Variants in LIAS observed in about 807,000 individuals in gnomAD.
The protein encoded by LIAS is lipoyl synthase, mitochondrial.
Under a neutral mutation model 49.4 loss-of-function variants are expected in LIAS, and 36 were observed. The observed-to-expected ratio is 0.73, with a 90% CI of 0.56 to 0.96. The LOEUF (loss-of-function observed/expected upper bound fraction) is 0.96, where lower values mean the gene tolerates loss of function less well. Among genes scored for constraint, LIAS ranks in the 40% least tolerant of loss-of-function variants. The pLI is 0.00. For synonymous variants in LIAS, 145 were observed against 155.8 expected, an observed-to-expected ratio of 0.93 and a Z score of 0.52; for missense variants, 399 against 456.3, an observed-to-expected ratio of 0.87 and a Z score of 1.14.
rs183722526 is a variant in LIAS at position 39,470,903 on chromosome 4, T to G, written c.884-333T>G. Among the ~76,000 whole-genome samples the G allele has an allele frequency of 2.4e-4, 36 of 150,470 alleles. No individual in the cohort carries two copies. In the East Asian group the frequency reaches 6.6e-3, roughly 28 times the overall value. On this transcript the variant is annotated intron_variant, in intron 8 of 10. Coordinates refer to ENST00000640888, the MANE Select transcript of LIAS (RefSeq NM_006859.4). ...GCTCTATAATATAGGTGCATTGAGG[T>G]TTTTGCATATACCATTTCCCATACC...
chr4:39,459,650 G>A (rs1744342241), intron 1 of LIAS, among the ~76,000 whole-genome samples: 1 of 152,134 alleles, frequency 6.6e-6, no homozygotes, highest in Non-Finnish European at 1.5e-5. Context: ...TAGTGTTTTG[G>A]CTATCTCATA....
chr4:39,469,668 T>C (rs1370552692), intron 7 of LIAS: 1 of 180,952 alleles, frequency 5.5e-6, no homozygotes, highest in Admixed American at 5.8e-5. Flanking sequence ...CCCTCTGACA[T>C]GTGGGTTCAG....
intron 9 of LIAS, 53 bp downstream of exon 9, chr4:39,471,359 G>C (rs1744979130): frequency 7.1e-7 from 1 of 1,409,220 alleles, no homozygotes; most frequent in Non-Finnish European, 9.8e-7. Flanking sequence ...TAAAGATGGA[G>C]TTTTGCTCTT....
chr4:39,475,200 T>C (rs1308879755), intron 10 of LIAS: 1 of 151,350 alleles, frequency 6.6e-6, no homozygotes, highest in Non-Finnish European at 1.5e-5. Context: ...AGCAACACTC[T>C]GTCTCCAAAA....
chr4:39,461,004 A>G, intron 2 of LIAS, 42 bp downstream of exon 2: 1 of 1,495,402 alleles, frequency 6.7e-7, no homozygotes, highest in Non-Finnish European at 9.1e-7. Flanking sequence ...CCGTTCCTTT[A>G]TTGTGCATTA....
At chr4:39,476,856 G>A in intron 10 of LIAS, 2 of 506,986 alleles carry the variant, frequency 3.9e-6, no homozygotes, top group Non-Finnish European at 7.0e-6. Flanking sequence ...GGAGACTCTA[G>A]TCATTATTGC....
At chr4:39,460,048 C>T (rs1578231089) in intron 1 of LIAS, among the ~76,000 whole-genome samples, 1 of 152,184 alleles carries the variant, frequency 6.6e-6, no homozygotes, top group East Asian at 1.9e-4. Context: ...TATTAACCTA[C>T]GTTTCAACAA....
chr4:39,464,485 T>C (rs1305183511), intron 4 of LIAS, among the ~76,000 whole-genome samples: 1 of 152,120 alleles, frequency 6.6e-6, no homozygotes, highest in Non-Finnish European at 1.5e-5. Flanking sequence ...AGAATCCCAT[T>C]TTTCAGTTGT....
rs1578248863 is a variant in LIAS, at chr4:39,477,392, G to C, written c.*277G>C. On this transcript the variant is annotated 3_prime_UTR_variant, in exon 11 of 11. Transcript: ENST00000640888. ...AAAAACACAAAAATTAGTCAGGCGT[G>C]GTAGTGGGTGCCTGTAATCCCAGCT... 1 of 287,030 alleles carries C rather than the reference G, an allele frequency of 3.5e-6. No individual in the cohort carries two copies. Among genetic ancestry groups the C allele is most frequent in the South Asian group, 3.9e-5 (1 of 25,632 alleles). 17.8% of individuals were successfully genotyped at this position (287,030 alleles called of 1,614,324 possible).
rs545788879 is a variant in LIAS, at chr4:39,473,227, G to A, written c.1066+16G>A. ...TATAAAGCAGGTAAGTTAGATTGTG[G>A]GGCATGGTTTCATTTAGGCCGTTAA... On this transcript the variant is annotated intron_variant, in intron 10 of 10. Transcript: ENST00000640888. 7.4e-6 allele frequency: 11 copies of A among 1,490,164 alleles called. No homozygotes were observed. The East Asian group carries it at 2.5e-4, about 34-fold the overall frequency. The allele number at this position is 1,490,164 out of a possible 1,614,324, so 92.3% of individuals were successfully genotyped here.
intron 1 of LIAS, among the ~76,000 whole-genome samples, chr4:39,460,533 C>CAAAAA (rs3836577): frequency 3.1e-5 from 3 of 98,208 alleles, no homozygotes; most frequent in African/African-American, 4.0e-5. Flanking sequence ...GACTCCGTCT[C>CAAAAA]AAAAAAAAAA....
intron 2 of LIAS, among the ~76,000 whole-genome samples, 191 bp from the exon 3 acceptor site, chr4:39,462,005 T>C (rs775170025): frequency 2.6e-5 from 4 of 152,188 alleles, no homozygotes; most frequent in Admixed American, 1.3e-4. Flanking sequence ...TATTGGTGTT[T>C]TCTAAAGTGG....
intron 4 of LIAS, chr4:39,463,811 T>A: frequency 2.8e-6 from 3 of 1,056,950 alleles, no homozygotes; most frequent in Non-Finnish European, 3.6e-6. Flanking sequence ...TATTGGTTCT[T>A]TCATTTATGT....
intron 10 of LIAS, 105 bp downstream of exon 10, chr4:39,473,316 G>A (rs1745062818): frequency 2.8e-6 from 2 of 708,268 alleles, no homozygotes; most frequent in Admixed American, 2.5e-5. Flanking sequence ...ACCTTTGGTG[G>A]TCTTGGTAGA....
At chr4:39,466,316 T>G (rs563472135) in intron 6 of LIAS, 26 of 152,324 alleles carry the variant, frequency 1.7e-4, no homozygotes, top group African/African-American at 5.5e-4. Flanking sequence ...TTTTAAATGA[T>G]TCCCTAGTAT....
chr4:39,462,895 G>C (rs1744582244), intron 3 of LIAS, among the ~76,000 whole-genome samples: 1 of 152,204 alleles, frequency 6.6e-6, no homozygotes, highest in African/African-American at 2.4e-5. Context: ...TCTGAGGCTG[G>C]AGAATCACTT....
chr4:39,465,453 GT>G, intron 6 of LIAS, 111 bp downstream of exon 6: 1 of 896,682 alleles, frequency 1.1e-6, no homozygotes, highest in Non-Finnish European at 1.7e-6. Context: ...GAGTTTCATA[GT>G]TTTCTGATAA....
In LIAS at chr4:39,468,521, A is replaced by ATATTTT. The variant is rs1468216619; in HGVS notation, c.737+876_737+877insATTTTT. The ATATTTT allele has an allele frequency of 2.9e-3, 402 of 139,524 alleles. 3 individuals are homozygous for ATATTTT. The highest frequency in any genetic ancestry group is 0.011 in the African/African-American group (390 of 37,066). The allele number at this position is 139,524 out of a possible 1,614,324, so 8.6% of individuals were successfully genotyped here. A position where few individuals can be genotyped will look rare whatever the true frequency, so the allele number is the denominator to read the frequency against. ...AAAAAAAATATATATATATATATAT[A>ATATTTT]TTTTTTTATATTATATATATTCATA... On this transcript the variant is annotated intron_variant, in intron 7 of 10. Transcript: ENST00000640888.
intron 2 of LIAS, among the ~76,000 whole-genome samples, chr4:39,461,645 AAAG>A (rs1159901189): frequency 6.6e-6 from 1 of 152,202 alleles, no homozygotes; most frequent in African/African-American, 2.4e-5. Flanking sequence ...CCTTTGCAAA[AAAG>A]GTAGACGTGA....
Sources: allele counts gnomAD v4.1 joint callset (sites outside exome capture counted in the v4.1 genomes callset), GRCh38; gene constraint gnomAD v4.1.1; transcripts MANE v1.5; gene names NCBI Gene and HGNC (gene_info 2026-07-23, HGNC 2026-07-21).